KIAA1671: variants seen among roughly 807,000 people sequenced by gnomAD.
The protein encoded by KIAA1671 is KIAA1671.
A neutral mutation model predicts 131.2 loss-of-function variants in KIAA1671; 52 were observed. The observed-to-expected ratio is 0.40, with a 90% CI of 0.32 to 0.50. KIAA1671 has a LOEUF of 0.50. Among genes scored for constraint, KIAA1671 ranks in the 20% least tolerant of loss-of-function variants. KIAA1671 has a pLI of 0.73. For missense variants in KIAA1671, 2,360 were observed against 2,364.2 expected (o/e 1.00, Z 0.04); for synonymous variants, 1,003 against 961.6 (o/e 1.04, Z -0.80).
rs781010927 is a variant in KIAA1671, at chr22:25,195,488, G to A, written c.*3087G>A. ...AGGGAAAGGACAATCAGATGGCGGT[G>A]TTTTCCAGGGGGACGCGCCAAATCA... is the stretch of plus-strand genomic sequence containing the variant. On this transcript the variant is annotated 3_prime_UTR_variant, in exon 13 of 13. Transcript: ENST00000358431. The A allele has an allele frequency of 6.6e-6, 1 of 152,132 alleles. No homozygotes were observed. Among genetic ancestry groups the A allele is most frequent in the Non-Finnish European group, 1.5e-5 (1 of 68,038 alleles). 9.4% of individuals were successfully genotyped at this position (152,132 alleles called of 1,614,324 possible).
At position 25,028,242 on chromosome 22, in the gene KIAA1671, C is replaced by T; in HGVS notation, c.243C>T (p.Val81=). 9.0e-6 allele frequency: 14 copies of T among 1,551,708 alleles called. No homozygotes were observed. The highest frequency in any genetic ancestry group is 1.2e-5 in the Non-Finnish European group (14 of 1,147,008). ...FSKEQDVKSP[V]PSLRPSSTGP... is the part of the protein sequence containing the mutation. Reference sequence around the variant, plus strand: ...AGGAGCAGGACGTGAAATCTCCTGTCCCGTCTCTGCGGCCCAGTTCGACTG... The same window carrying T: ...AGGAGCAGGACGTGAAATCTCCTGTTCCGTCTCTGCGGCCCAGTTCGACTG... The change falls in exon 3 of 13, where the codon GTC becomes GTT. Residue 81 remains valine (V), a synonymous_variant. Transcript: ENST00000358431.
chr22:25,069,429 C>T (rs145352719), intron 6 of KIAA1671, among the ~76,000 whole-genome samples: 2 of 152,306 alleles, frequency 1.3e-5, no homozygotes, highest in African/African-American at 4.8e-5. Flanking sequence ...ACATTCTCCT[C>T]ACTCCCCACC....
intron 1 of KIAA1671, among the ~76,000 whole-genome samples, chr22:24,989,817 C>T (rs1198344247): frequency 6.6e-6 from 1 of 152,028 alleles, no homozygotes; most frequent in South Asian, 2.1e-4. Context: ...GGTGAATGTC[C>T]GCCCGGCAAA....
intron 6 of KIAA1671, chr22:25,055,803 GA>G (rs1927805455): frequency 8.9e-6 from 1 of 112,482 alleles, no homozygotes; most frequent in South Asian, 3.1e-4. Context: ...GATATAGATA[GA>G]TATAGATATA....
chr22:25,093,784 C>CTG lies in KIAA1671; in HGVS notation c.4530+44421_4530+44422insGT, dbSNP rs1568951253. ...TCTCTCTCTGTCTCTCTCTCTCTCT[C>CTG]TCTCTCTCTCTCTCTCTCTCTCTCT... On this transcript the variant is annotated intron_variant, in intron 6 of 12. Coordinates refer to ENST00000358431, the MANE Select transcript of KIAA1671 (RefSeq NM_001145206.2). 1.3e-4 allele frequency among the ~76,000 whole-genome samples: 16 copies of CTG among 127,234 alleles called. 1 individual carries two copies. Among genetic ancestry groups the CTG allele is most frequent in the East Asian group, 1.1e-3 (5 of 4,472 alleles). 83.5% of individuals were successfully genotyped at this position (127,234 alleles called of 152,430 possible).
chr22:25,191,502 A>G (rs78730647), intron 12 of KIAA1671, among the ~76,000 whole-genome samples: 48 of 152,186 alleles, frequency 3.2e-4, no homozygotes, highest in Non-Finnish European at 6.6e-4. Context: ...TATACAACCT[A>G]TGTAGTTAAA....
At chr22:25,080,315 A>T (rs528576172) in intron 6 of KIAA1671, among the ~76,000 whole-genome samples, 2 of 152,042 alleles carry the variant, frequency 1.3e-5, no homozygotes, top group Non-Finnish European at 2.9e-5. Context: ...CTCAGGTGGG[A>T]GGGGAATTGT....
chr22:24,976,609 C>G (rs1288919314), intron 1 of KIAA1671, among the ~76,000 whole-genome samples: 1 of 152,180 alleles, frequency 6.6e-6, no homozygotes, highest in African/African-American at 2.4e-5. Flanking sequence ...GAGAGCCCAC[C>G]GGGCTGGTCG....
chr22:25,088,872 A>G (rs1367366199), intron 6 of KIAA1671, among the ~76,000 whole-genome samples: 1 of 137,088 alleles, frequency 7.3e-6, no homozygotes, highest in African/African-American at 2.6e-5. Context: ...CCATATGTAC[A>G]TATGTACACA....
intron 10 of KIAA1671, among the ~76,000 whole-genome samples, chr22:25,182,040 G>A (rs753684244): frequency 3.9e-5 from 6 of 152,080 alleles, no homozygotes; most frequent in South Asian, 2.1e-4. Flanking sequence ...TTAGCCGGGC[G>A]TGGTGGCGGG....
Position 25,039,610 on chromosome 22 carries a change from T to C in KIAA1671, c.2480T>C (p.Val827Ala). 3 of 1,551,120 alleles carry C rather than the reference T, an allele frequency of 1.9e-6. No homozygotes were observed. Among genetic ancestry groups the C allele is most frequent in the Non-Finnish European group, 2.6e-6 (3 of 1,146,570 alleles). The change falls in exon 5 of 13, where the codon GTG becomes GCG. Residue 827 changes from valine (V) to alanine (A), a missense_variant. Transcript: ENST00000358431. ...TTTCCCAAATGGACAGGCGGGGCAG[T>C]GGTGAGCTCGCACAAAGCCACCGTG... ...CPFPKWTGGAVVSSHKATVAV... is the reference protein window; with the variant it reads ...CPFPKWTGGAAVSSHKATVAV...
intron 6 of KIAA1671, among the ~76,000 whole-genome samples, chr22:25,156,375 G>A (rs1933243079): frequency 6.6e-6 from 1 of 152,016 alleles, no homozygotes; most frequent in African/African-American, 2.4e-5. Flanking sequence ...GTGTGTATTT[G>A]TGTGTATGCA....
intron 1 of KIAA1671, among the ~76,000 whole-genome samples, chr22:25,007,391 C>T (rs1050583925): frequency 1.3e-5 from 2 of 151,568 alleles, no homozygotes; most frequent in African/African-American, 4.9e-5. Flanking sequence ...GAAGCTGAGG[C>T]AGGAGCATCA....
intron 1 of KIAA1671, among the ~76,000 whole-genome samples, chr22:24,988,171 T>G (rs1418888608): frequency 6.6e-6 from 1 of 151,942 alleles, no homozygotes; most frequent in Admixed American, 6.6e-5. Flanking sequence ...TCCCAGCTAC[T>G]TGGGAGGCTG....
At chr22:25,031,738 A>G (rs1602082871) in intron 3 of KIAA1671, among the ~76,000 whole-genome samples, 1 of 152,168 alleles carries the variant, frequency 6.6e-6, no homozygotes, top group African/African-American at 2.4e-5. Context: ...CGGTCCTAAT[A>G]TGCTTCCTCT....
At position 25,055,799 on chromosome 22, in the gene KIAA1671, G is replaced by GATAGATATAGATAGAT. The variant is rs1927803430; in HGVS notation, c.4530+6448_4530+6449insGATATAGATATAGATA. ...ACAAACATATATATAGATAGATATAGATAGATATAGATATAGATATAGATA... is the reference window on the plus strand; with the variant it reads ...ACAAACATATATATAGATAGATATAGATAGATATAGATAGATATAGATATAGATATAGATATAGATA... On this transcript the variant is annotated intron_variant, in intron 6 of 12. Coordinates refer to ENST00000358431, the MANE Select transcript of KIAA1671 (RefSeq NM_001145206.2). 2 of 128,326 alleles carry GATAGATATAGATAGAT rather than the reference G, an allele frequency of 1.6e-5. 1 individual carries two copies. The highest frequency in any genetic ancestry group is 3.4e-5 in the Non-Finnish European group (2 of 58,338). 7.9% of individuals were successfully genotyped at this position (128,326 alleles called of 1,614,324 possible).
At chr22:25,138,603 C>T (rs913823810) in intron 6 of KIAA1671, among the ~76,000 whole-genome samples, 3 of 152,190 alleles carry the variant, frequency 2.0e-5, no homozygotes, top group Non-Finnish European at 2.9e-5. Context: ...TGAACATTCA[C>T]CTATTCTCAT....
At chr22:25,130,137 TATA>T (rs1180089738) in intron 6 of KIAA1671, among the ~76,000 whole-genome samples, 3 of 152,230 alleles carry the variant, frequency 2.0e-5, no homozygotes, top group African/African-American at 4.8e-5. Context: ...ACTGCTATCT[TATA>T]AGAATATTAT....
At chr22:25,067,194 A>T (rs1228664101) in intron 6 of KIAA1671, among the ~76,000 whole-genome samples, 1 of 152,032 alleles carries the variant, frequency 6.6e-6, no homozygotes, top group Non-Finnish European at 1.5e-5. Context: ...GCACCTGCCC[A>T]GCGGTGCTCC....
Sources: gnomAD v4.1 joint callset for allele counts (sites outside exome capture counted in the v4.1 genomes callset) on GRCh38, gnomAD v4.1.1 for gene constraint, MANE v1.5 for transcripts, NCBI Gene and HGNC (gene_info 2026-07-23, HGNC 2026-07-21) for gene names.